ARHGEF2: variants seen among roughly 807,000 people sequenced by gnomAD.
ARHGEF2 encodes Rho/Rac guanine nucleotide exchange factor 2, also known as rho guanine nucleotide exchange factor 2.
Under a neutral mutation model 121.0 loss-of-function variants are expected in ARHGEF2, and 22 were observed. That is an observed-to-expected ratio of 0.18 (90% CI 0.13 to 0.26). ARHGEF2 has a LOEUF of 0.26. Among genes scored for constraint, ARHGEF2 ranks in the 10% least tolerant of loss-of-function variants. The pLI, the probability that ARHGEF2 is intolerant of heterozygous loss-of-function variation, is 1.00. For synonymous variants in ARHGEF2, 487 were observed against 530.0 expected (o/e 0.92, Z 1.11); for missense variants, 907 against 1,336.0 (o/e 0.68, Z 5.01).
At chr1:155,976,616 G>A (rs1260351618) in intron 1 of ARHGEF2, among the ~76,000 whole-genome samples, 1 of 95,324 alleles carries the variant, frequency 1.0e-5, no homozygotes, top group Non-Finnish European at 2.2e-5. Flanking sequence ...CCACAGAACC[G>A]CTCTCTATAC....
In ARHGEF2 at chr1:155,951,017, G is replaced by A. The variant is rs769431943; in HGVS notation, c.2515C>T (p.Leu839Phe). 3 of 1,606,244 alleles carry A rather than the reference G, an allele frequency of 1.9e-6. No individual in the cohort carries two copies. Among genetic ancestry groups the A allele is most frequent in the Non-Finnish European group, 2.5e-6 (3 of 1,177,996 alleles). Residue 839 changes from leucine to phenylalanine, a missense_variant, in exon 20 of 22, where the codon CTC becomes TTC. Transcript: ENST00000361247. The surrounding 1 kb of genome is among the most constrained non-coding windows in gnomAD (Gnocchi z 5.1). ...ATEAGSLEARLRESEQARALL... is the reference protein window; with the variant it reads ...ATEAGSLEARFRESEQARALL... ...GCCCGGGCCTGCTCACTCTCCCGGAGCCGGGCCTCCAGGCTGCCAGCTTCG... is the reference window on the plus strand; with the variant it reads ...GCCCGGGCCTGCTCACTCTCCCGGAACCGGGCCTCCAGGCTGCCAGCTTCG...
At chr1:155,971,882 A>AT (rs1255738569) in intron 1 of ARHGEF2, among the ~76,000 whole-genome samples, 22 of 150,588 alleles carry the variant, frequency 1.5e-4, no homozygotes, top group African/African-American at 5.4e-4. Flanking sequence ...ACCCATCTCT[A>AT]TAAAAAAAAA....
intron 14 of ARHGEF2, among the ~76,000 whole-genome samples, chr1:155,953,986 TTTG>T (rs1195030200): frequency 1.3e-5 from 2 of 152,000 alleles, no homozygotes; most frequent in African/African-American, 2.4e-5. Flanking sequence ...TGGGGTTTTT[TTTG>T]TTGTTGTTGT....
rs1675238703 is a variant in ARHGEF2, at chr1:155,950,648, A to G, written c.2704-166T>C. The stretch of plus-strand genomic sequence containing the variant: ...CTCTTTCAGCACCACGACCCGAGTT[A>G]ATTTCCTCCACCCCTGCACCCATCT... On this transcript the variant is annotated intron_variant, in intron 20 of 21. Transcript: ENST00000361247. The surrounding 1 kb of genome is among the most constrained non-coding windows in gnomAD (Gnocchi z 5.2). 6.6e-6 allele frequency among the ~76,000 whole-genome samples: 1 copy of G among 152,098 alleles called. No homozygotes were observed. Among genetic ancestry groups the G allele is most frequent in the Non-Finnish European group, 1.5e-5 (1 of 68,004 alleles).
intron 13 of ARHGEF2, among the ~76,000 whole-genome samples, chr1:155,956,728 C>T (rs745773430): frequency 6.6e-5 from 10 of 150,858 alleles, no homozygotes; most frequent in African/African-American, 1.2e-4. Flanking sequence ...GAGGCTGAGG[C>T]GGGTCGATTA....
chr1:155,947,767 G>A lies in ARHGEF2; in HGVS notation c.*175C>T. ...TTCGGATGTCCCAGGGGGTGTTGTG[G>A]CCTAATTCCCCTAGCTTCTTAAATG... On this transcript the variant is annotated 3_prime_UTR_variant, in exon 22 of 22. Transcript: ENST00000361247. 1 of 566,542 alleles carries A rather than the reference G, an allele frequency of 1.8e-6. No individual in the cohort carries two copies. The highest frequency in any genetic ancestry group is 2.9e-5 in the East Asian group (1 of 34,140). 35.1% of individuals were successfully genotyped at this position (566,542 alleles called of 1,614,324 possible).
At chr1:155,953,071 CCTGG>C (rs1356615282) in intron 14 of ARHGEF2, among the ~76,000 whole-genome samples, 1 of 152,038 alleles carries the variant, frequency 6.6e-6, no homozygotes, top group Non-Finnish European at 1.5e-5. Context: ...TCAAGACCAG[CCTGG>C]CTAACATGGC....
At position 155,965,255 on chromosome 1, in the gene ARHGEF2, G is replaced by GC; in HGVS notation, c.580+47dup. ...ACTCCCACCAGCCTCTCATCCCCCA[G>GC]CCCCTCTTCATGTTCCTCAGGGCTC... On this transcript the variant is annotated intron_variant, in intron 6 of 21. Coordinates refer to ENST00000361247, the MANE Select transcript of ARHGEF2 (RefSeq NM_001162383.2). This position sits in a 1 kb window ranked among gnomAD's most constrained non-coding sequence, Gnocchi z 6.0. The GC allele has an allele frequency of 6.2e-7, 1 of 1,607,050 alleles. No homozygotes were observed. The highest frequency in any genetic ancestry group is 8.5e-7 in the Non-Finnish European group (1 of 1,173,732).
Position 155,962,015 on chromosome 1 carries a change from C to T in ARHGEF2, c.1219+90G>A. 1 of 1,601,642 alleles carries T rather than the reference C, an allele frequency of 6.2e-7. No homozygotes were observed. Among genetic ancestry groups the T allele is most frequent in the Non-Finnish European group, 8.5e-7 (1 of 1,171,204 alleles). On this transcript the variant is annotated intron_variant, in intron 10 of 21. Transcript: ENST00000361247. The surrounding 1 kb of genome is among the most constrained non-coding windows in gnomAD (Gnocchi z 5.8). ...TTAGAGGCTGCCCAGGGTTTCACAC[C>T]CGACCCCACCCTTCCTGTGGTCATA...
Position 155,978,508 on chromosome 1 carries a change from G to C in ARHGEF2, c.-81C>G. 3.0e-6 allele frequency: 4 copies of C among 1,329,616 alleles called. No homozygotes were observed. Among genetic ancestry groups the C allele is most frequent in the Non-Finnish European group, 3.9e-6 (4 of 1,026,526 alleles). The allele number at this position is 1,329,616 out of a possible 1,614,324, so 82.4% of individuals were successfully genotyped here. ...TGGGGGAAGGCGGGGGGAGGGGTTC[G>C]GCCCGCACGCGTTGGTCTCGGGGAC... On this transcript the variant is annotated 5_prime_UTR_variant, in exon 1 of 22. Coordinates refer to ENST00000361247, the MANE Select transcript of ARHGEF2 (RefSeq NM_001162383.2). This position sits in a 1 kb window ranked among gnomAD's most constrained non-coding sequence, Gnocchi z 4.1.
intron 1 of ARHGEF2, chr1:155,970,736 TAGAA>T: frequency 4.1e-6 from 4 of 985,636 alleles, no homozygotes; most frequent in Non-Finnish European, 4.8e-6. Flanking sequence ...CAGAAAATGG[TAGAA>T]AGAAAGGGGA....
intron 1 of ARHGEF2, among the ~76,000 whole-genome samples, chr1:155,976,305 C>G (rs1371624770): frequency 2.0e-5 from 3 of 151,916 alleles, no homozygotes; most frequent in Non-Finnish European, 4.4e-5. Context: ...TAAGAACCAA[C>G]TCCCCCTTCT....
Position 155,950,792 on chromosome 1 carries a change from C to T in ARHGEF2, c.2703+37G>A, listed in dbSNP as rs781337100. The T allele has an allele frequency of 4.6e-6, 7 of 1,507,346 alleles. No homozygotes were observed. The highest frequency in any genetic ancestry group is 6.2e-6 in the Non-Finnish European group (7 of 1,125,722). The allele number at this position is 1,507,346 out of a possible 1,614,324, so 93.4% of individuals were successfully genotyped here. ...TTTCGGGCTCCATGGACCCTTATGT[C>T]CACCCCAGGTCCATTCACCACTGCA... On this transcript the variant is annotated intron_variant, in intron 20 of 21. Coordinates refer to ENST00000361247, the MANE Select transcript of ARHGEF2 (RefSeq NM_001162383.2). The surrounding 1 kb of genome is among the most constrained non-coding windows in gnomAD (Gnocchi z 5.2).
chr1:155,967,224 G>A lies in ARHGEF2; in HGVS notation c.209-337C>T, dbSNP rs575053555. Among the ~76,000 whole-genome samples the A allele has an allele frequency of 3.2e-4, 48 of 152,302 alleles. 1 individual carries two copies. The highest frequency in any genetic ancestry group is 1.1e-3 in the African/African-American group (46 of 41,550). On this transcript the variant is annotated intron_variant, in intron 2 of 21. Coordinates refer to ENST00000361247, the MANE Select transcript of ARHGEF2 (RefSeq NM_001162383.2). The stretch of plus-strand genomic sequence containing the variant: ...GCTCAAGAAGCACGAAGGTGGTTGC[G>A]AATGGCAGATGGAAGAGAGGACTCC...
At chr1:155,972,416 T>C (rs1352624355) in intron 1 of ARHGEF2, 4 of 417,406 alleles carry the variant, frequency 9.6e-6, no homozygotes, top group Middle Eastern at 3.5e-4. Context: ...CTCAGGCTTC[T>C]GAGGATGGAA....
Position 155,947,180 on chromosome 1 carries a change from A to C in ARHGEF2, c.*762T>G, listed in dbSNP as rs956325094. 2.2e-5 allele frequency: 8 copies of C among 363,396 alleles called. No individual in the cohort carries two copies. In the Admixed American group the frequency reaches 2.9e-4, roughly 13 times the overall value. 22.5% of individuals were successfully genotyped at this position (363,396 alleles called of 1,614,324 possible). A position where few individuals can be genotyped will look rare whatever the true frequency, so the allele number is the denominator to read the frequency against. On this transcript the variant is annotated 3_prime_UTR_variant, in exon 22 of 22. Coordinates refer to ENST00000361247, the MANE Select transcript of ARHGEF2 (RefSeq NM_001162383.2). Reference sequence around the variant, plus strand: ...ACTTCTTCAGAGATGTGGAGATAGGAGGCTTCGATCTCTAATTGCCTACGA... The same window carrying C: ...ACTTCTTCAGAGATGTGGAGATAGGCGGCTTCGATCTCTAATTGCCTACGA...
At position 155,954,963 on chromosome 1, in the gene ARHGEF2, T is replaced by C; in HGVS notation, c.1722A>G (p.Pro574=). 1 of 1,611,476 alleles carries C rather than the reference T, an allele frequency of 6.2e-7. No homozygotes were observed. Among genetic ancestry groups the C allele is most frequent in the Non-Finnish European group, 8.5e-7 (1 of 1,178,848 alleles). The change falls in exon 14 of 22, where the codon CCA becomes CCG. Residue 574 remains proline, a synonymous_variant. Transcript: ENST00000361247. The part of the protein sequence containing the change: ...RVIQQSVRTC[P]SREDFPLIET... ...CAATCAGGGGGAAGTCCTCCCTGGA[T>C]GGGCATCTGGAGGGGTAACAGGTCG...
At position 155,950,738 on chromosome 1, in the gene ARHGEF2, T is replaced by G; in HGVS notation, c.2703+91A>C. On this transcript the variant is annotated intron_variant, in intron 20 of 21. Coordinates refer to ENST00000361247, the MANE Select transcript of ARHGEF2 (RefSeq NM_001162383.2). The surrounding 1 kb of genome is among the most constrained non-coding windows in gnomAD (Gnocchi z 5.2). ...TTCAAGTCAGTTGACTGATTGCATTTGGGCTCAAATCCCCAATGGCCCAAT... is the reference window on the plus strand; with the variant it reads ...TTCAAGTCAGTTGACTGATTGCATTGGGGCTCAAATCCCCAATGGCCCAAT... The G allele has an allele frequency of 2.3e-6, 3 of 1,295,710 alleles. No individual in the cohort carries two copies. Among genetic ancestry groups the G allele is most frequent in the South Asian group, 1.4e-5 (1 of 69,544 alleles). The allele number at this position is 1,295,710 out of a possible 1,614,324, so 80.3% of individuals were successfully genotyped here. A position where few individuals can be genotyped will look rare whatever the true frequency, so the allele number is the denominator to read the frequency against.
Position 155,951,023 on chromosome 1 carries a change from C to T in ARHGEF2, c.2509G>A (p.Ala837Thr). 1 of 1,605,346 alleles carries T rather than the reference C, an allele frequency of 6.2e-7. No homozygotes were observed. Among genetic ancestry groups the T allele is most frequent in the East Asian group, 2.2e-5 (1 of 44,592 alleles). The part of the protein sequence containing the change: ...ERATEAGSLE[A>T]RLRESEQARA... ...GCCTGCTCACTCTCCCGGAGCCGGG[C>T]CTCCAGGCTGCCAGCTTCGGTTGCC... The change falls in exon 20 of 22, where the codon GCC becomes ACC. Residue 837 changes from alanine (A) to threonine (T), a missense_variant. This residue lies in a region of ARHGEF2 where 432 missense variants were observed against 559.5 expected (regional missense o/e 0.77). Transcript: ENST00000361247. The surrounding 1 kb of genome is among the most constrained non-coding windows in gnomAD (Gnocchi z 5.1).
Sources: gnomAD v4.1 joint callset for allele counts (sites outside exome capture counted in the v4.1 genomes callset) on GRCh38, gnomAD v4.1.1 for gene constraint, gnomAD v4.1.1 regional missense constraint, Gnocchi (gnomAD v3.1) non-coding constraint, MANE v1.5 for transcripts, NCBI Gene and HGNC (gene_info 2026-07-23, HGNC 2026-07-21) for gene names.